The following PCSK2 variants were observed in gnomAD, a reference collection of about 807,000 sequenced individuals.
The protein encoded by PCSK2 is proprotein convertase subtilisin/kexin type 2.
A neutral mutation model predicts 69.7 loss-of-function variants in PCSK2; 14 were observed. That is an observed-to-expected ratio of 0.20 (90% CI 0.13 to 0.31). PCSK2 has a LOEUF of 0.31. Among genes scored for constraint, PCSK2 ranks in the 10% least tolerant of loss-of-function variants. PCSK2 has a pLI of 1.00. For missense variants in PCSK2, 544 were observed against 842.5 expected, an observed-to-expected ratio of 0.65 and a Z score of 4.39; for synonymous variants, 307 against 320.7, an observed-to-expected ratio of 0.96 and a Z score of 0.46.
chr20:17,474,801 A>G (rs2033264117), intron 11 of PCSK2, among the ~76,000 whole-genome samples: 1 of 146,992 alleles, frequency 6.8e-6, no homozygotes, highest in South Asian at 2.2e-4. Flanking sequence ...TCTTTACAAT[A>G]ACTTCTTAAG....
intron 1 of PCSK2, among the ~76,000 whole-genome samples, chr20:17,254,145 T>C (rs1026781542): frequency 2.0e-5 from 3 of 152,222 alleles, no homozygotes; most frequent in Admixed American, 6.5e-5. Flanking sequence ...AAAATTTTTC[T>C]CCAATCTGTG....
chr20:17,398,168 T>C (rs2031555908), intron 5 of PCSK2, among the ~76,000 whole-genome samples: 1 of 152,024 alleles, frequency 6.6e-6, no homozygotes. Context: ...ACAGGGAGGC[T>C]ATGGATGCAG....
intron 5 of PCSK2, among the ~76,000 whole-genome samples, chr20:17,372,955 A>G (rs1185585741): frequency 3.3e-5 from 5 of 152,234 alleles, no homozygotes; most frequent in African/African-American, 7.2e-5. Context: ...CAGGAGAGCA[A>G]TGAAACCAGT....
chr20:17,458,561 C>G (rs933094886), intron 10 of PCSK2, among the ~76,000 whole-genome samples: 1 of 152,106 alleles, frequency 6.6e-6, no homozygotes, highest in East Asian at 1.9e-4. Context: ...CAAATGAGAG[C>G]CCAGAGGGAT....
At chr20:17,414,132 C>T (rs914727933) in intron 6 of PCSK2, among the ~76,000 whole-genome samples, 11 of 151,986 alleles carry the variant, frequency 7.2e-5, no homozygotes, top group African/African-American at 2.7e-4. Flanking sequence ...ACTAGAGAAG[C>T]GACAGTGAAC....
chr20:17,477,736 C>A (rs560454122), intron 11 of PCSK2, among the ~76,000 whole-genome samples: 20 of 152,192 alleles, frequency 1.3e-4, no homozygotes, highest in African/African-American at 4.6e-4. Flanking sequence ...TATTCCTCTC[C>A]AAAATTCAAT....
At chr20:17,391,408 T>C (rs2031369644) in intron 5 of PCSK2, among the ~76,000 whole-genome samples, 1 of 152,074 alleles carries the variant, frequency 6.6e-6, no homozygotes, top group Admixed American at 6.6e-5. Flanking sequence ...ATAAAAAAAC[T>C]CATCAATGAG....
intron 1 of PCSK2, among the ~76,000 whole-genome samples, chr20:17,244,857 G>A (rs938223199): frequency 6.6e-6 from 1 of 152,166 alleles, no homozygotes; most frequent in Non-Finnish European, 1.5e-5. Flanking sequence ...GTAAGCACTT[G>A]CTTTGAGGAG....
Position 17,358,312 on chromosome 20 carries a change from G to C in PCSK2, c.283-15G>C. 1 of 1,422,998 alleles carries C rather than the reference G, an allele frequency of 7.0e-7. No individual in the cohort carries two copies. Among genetic ancestry groups the C allele is most frequent in the Non-Finnish European group, 9.9e-7 (1 of 1,005,844 alleles). The allele number at this position is 1,422,998 out of a possible 1,614,324, so 88.1% of individuals were successfully genotyped here. ...CAGATTATATTCAGGTAATATGTCAGCATTGTCATTCCAGGTAAAGATGGC... is the reference window on the plus strand; with the variant it reads ...CAGATTATATTCAGGTAATATGTCACCATTGTCATTCCAGGTAAAGATGGC... On this transcript the variant is annotated splice_polypyrimidine_tract_variant and intron_variant, in intron 2 of 11. Transcript: ENST00000262545.
intron 2 of PCSK2, among the ~76,000 whole-genome samples, chr20:17,289,662 CACTTA>C (rs1259155921): frequency 5.3e-5 from 8 of 152,066 alleles, no homozygotes; most frequent in Non-Finnish European, 5.9e-5. Context: ...AGCTAAACAT[CACTTA>C]ACTTTTTTTG....
intron 11 of PCSK2, among the ~76,000 whole-genome samples, chr20:17,470,445 T>C (rs1030318865): frequency 1.3e-5 from 2 of 152,078 alleles, no homozygotes; most frequent in African/African-American, 4.8e-5. Flanking sequence ...AAGTGGAGAT[T>C]TAATAACATA....
intron 10 of PCSK2, among the ~76,000 whole-genome samples, chr20:17,462,553 C>G (rs1159809301): frequency 6.6e-6 from 1 of 152,204 alleles, no homozygotes; most frequent in African/African-American, 2.4e-5. Context: ...CTGAGCTCCC[C>G]CATCATGACA....
chr20:17,420,692 A>G (rs1339172750), intron 6 of PCSK2, among the ~76,000 whole-genome samples: 1 of 152,228 alleles, frequency 6.6e-6, no homozygotes, highest in African/African-American at 2.4e-5. Context: ...TATGGTACTC[A>G]GACGGCAATC....
intron 11 of PCSK2, among the ~76,000 whole-genome samples, chr20:17,467,591 C>T (rs533147042): frequency 1.3e-5 from 2 of 152,152 alleles, no homozygotes; most frequent in Non-Finnish European, 1.5e-5. Flanking sequence ...CATTCATAAT[C>T]GAAAGAGAAG....
At chr20:17,324,864 G>T (rs759759776) in intron 2 of PCSK2, among the ~76,000 whole-genome samples, 4 of 152,130 alleles carry the variant, frequency 2.6e-5, no homozygotes, top group African/African-American at 4.8e-5. Flanking sequence ...TCAAATACTG[G>T]GTTGCCAGAA....
chr20:17,449,883 G>A (rs1174001322), intron 8 of PCSK2, among the ~76,000 whole-genome samples: 2 of 151,488 alleles, frequency 1.3e-5, no homozygotes, highest in Non-Finnish European at 2.9e-5. Context: ...CTTTCTATTC[G>A]AGAATATGGC....
At chr20:17,441,872 A>G (rs890465586) in intron 8 of PCSK2, among the ~76,000 whole-genome samples, 5 of 151,984 alleles carry the variant, frequency 3.3e-5, no homozygotes, top group African/African-American at 1.2e-4. Context: ...CCAAATATTC[A>G]TATGTTGGGG....
chr20:17,379,656 C>T (rs1442572177), intron 5 of PCSK2, among the ~76,000 whole-genome samples: 1 of 152,220 alleles, frequency 6.6e-6, no homozygotes, highest in Non-Finnish European at 1.5e-5. Context: ...GCTGTAAGCA[C>T]TCTGTATAGT....
chr20:17,385,902 G>A (rs1300539073), intron 5 of PCSK2, among the ~76,000 whole-genome samples: 1 of 152,194 alleles, frequency 6.6e-6, no homozygotes, highest in Non-Finnish European at 1.5e-5. Flanking sequence ...ATCATTGGTT[G>A]ATGATTAATA....
Sources: gnomAD v4.1 joint callset for allele counts (sites outside exome capture counted in the v4.1 genomes callset) on GRCh38, gnomAD v4.1.1 for gene constraint, MANE v1.5 for transcripts, NCBI Gene and HGNC (gene_info 2026-07-23, HGNC 2026-07-21) for gene names.